Variants in TNFRSF8 observed in about 807,000 individuals in gnomAD.
TNFRSF8 encodes TNF receptor superfamily member 8, also known as tumor necrosis factor receptor superfamily member 8.
A neutral mutation model predicts 70.8 loss-of-function variants in TNFRSF8; 26 were observed. That is an observed-to-expected ratio of 0.37 (90% confidence interval 0.27 to 0.51). The LOEUF is 0.51. TNFRSF8 is among the 20% of genes least tolerant of loss of function. The probability of loss-of-function intolerance (pLI) is 0.94; values close to 1 mark genes in which losing one functional copy is unlikely to be tolerated. For missense variants in TNFRSF8, 720 were observed against 807.9 expected (o/e 0.89, Z 1.32); for synonymous variants, 356 against 339.2 (o/e 1.05, Z -0.54).
intron 1 of TNFRSF8, among the ~76,000 whole-genome samples, chr1:12,065,840 T>C (rs1203515169): frequency 6.6e-6 from 1 of 152,212 alleles, no homozygotes; most frequent in Non-Finnish European, 1.5e-5. Flanking sequence ...CTTTGTTCTC[T>C]ACTACAGTGC....
At chr1:12,085,271 T>A (rs912565618) in intron 2 of TNFRSF8, among the ~76,000 whole-genome samples, 1 of 152,028 alleles carries the variant, frequency 6.6e-6, no homozygotes, top group Non-Finnish European at 1.5e-5. Context: ...CCACCACACC[T>A]GGCTAATTTT....
intron 1 of TNFRSF8, among the ~76,000 whole-genome samples, chr1:12,076,376 AAGCGTGAGCTACC>A (rs1187313611): frequency 1.3e-5 from 2 of 152,176 alleles, no homozygotes; most frequent in African/African-American, 4.8e-5. Flanking sequence ...CTGGGATTAC[AAGCGTGAGCTACC>A]GTGCCCGGCC....
At chr1:12,107,702 AC>A (rs34119271) in intron 4 of TNFRSF8, among the ~76,000 whole-genome samples, 45,185 of 151,854 alleles carry the variant, frequency 0.3, 7,089 homozygotes, top group South Asian at 0.38. Flanking sequence ...CAGCTGCCAA[AC>A]CCTGGTTAAT....
rs986188702 is a variant in TNFRSF8, at chr1:12,063,661, G to C, written c.63G>C (p.Gln21His). Residue 21 changes from glutamine to histidine, a missense_variant and splice_region_variant, in exon 1 of 15, where the codon CAG becomes CAC. Transcript: ENST00000263932. This position sits in a 1 kb window ranked among gnomAD's most constrained non-coding sequence, Gnocchi z 7.2. ...TGGGGGCGCTACGAGCCTTCCCACA[G>C]GTAAGCGGGTGACGGGCGCCTGGGG... ...LFLGALRAFP[Q>H]DRPFEDTCHG... 1 of 1,273,032 alleles carries C rather than the reference G, an allele frequency of 7.9e-7. No homozygotes were observed. Among genetic ancestry groups the C allele is most frequent in the African/African-American group, 1.5e-5 (1 of 64,598 alleles). 78.9% of individuals were successfully genotyped at this position (1,273,032 alleles called of 1,614,324 possible).
intron 1 of TNFRSF8, among the ~76,000 whole-genome samples, chr1:12,078,748 C>T (rs1333712805): frequency 6.6e-6 from 1 of 152,228 alleles, no homozygotes; most frequent in Non-Finnish European, 1.5e-5. Context: ...CCTTACGTCT[C>T]AGTCTCCCCC....
intron 12 of TNFRSF8, 74 bp downstream of exon 12, chr1:12,126,310 C>T: frequency 1.9e-6 from 3 of 1,555,890 alleles, no homozygotes; most frequent in South Asian, 2.2e-5. Flanking sequence ...GGGGCGTGGG[C>T]TCCAGAGACT....
At chr1:12,073,594 T>G (rs926881066) in intron 1 of TNFRSF8, among the ~76,000 whole-genome samples, 2 of 144,726 alleles carry the variant, frequency 1.4e-5, no homozygotes, top group Non-Finnish European at 3.0e-5. Context: ...TTCTTTTTCT[T>G]TTTTTTTTTT....
intron 2 of TNFRSF8, among the ~76,000 whole-genome samples, chr1:12,085,274 C>T (rs1641135060): frequency 6.6e-6 from 1 of 152,212 alleles, no homozygotes; most frequent in South Asian, 2.1e-4. Context: ...CCACACCTGG[C>T]TAATTTTGTA....
chr1:12,139,407 C>A (rs1642214320), intron 14 of TNFRSF8, among the ~76,000 whole-genome samples: 1 of 152,172 alleles, frequency 6.6e-6, no homozygotes, highest in Non-Finnish European at 1.5e-5. Context: ...GCCTTGAATC[C>A]AGTTAATTCT....
intron 8 of TNFRSF8, among the ~76,000 whole-genome samples, chr1:12,122,023 T>C (rs1425316105): frequency 6.6e-6 from 1 of 151,908 alleles, no homozygotes; most frequent in Non-Finnish European, 1.5e-5. Flanking sequence ...TCCTCTATAG[T>C]GACATAAAGC....
Position 12,142,153 on chromosome 1 carries a change from A to G in TNFRSF8, c.1544-134A>G. ...CCCCAGGATGCCTGTAAGGTACATC[A>G]GAGAGGCTGTGCCATCAGCCTGAAG... is the stretch of plus-strand genomic sequence containing the variant. On this transcript the variant is annotated intron_variant, in intron 14 of 14. Coordinates refer to ENST00000263932, the MANE Select transcript of TNFRSF8 (RefSeq NM_001243.5). The surrounding 1 kb of genome is among the most constrained non-coding windows in gnomAD (Gnocchi z 5.0). The G allele has an allele frequency of 1.6e-6, 2 of 1,249,256 alleles. No individual in the cohort carries two copies. The highest frequency in any genetic ancestry group is 2.2e-6 in the Non-Finnish European group (2 of 916,876). The allele number at this position is 1,249,256 out of a possible 1,614,324, so 77.4% of individuals were successfully genotyped here. A position where few individuals can be genotyped will look rare whatever the true frequency, so the allele number is the denominator to read the frequency against.
In TNFRSF8 at chr1:12,108,724, A is replaced by G. The variant is rs1641573302; in HGVS notation, c.422-842A>G. On this transcript the variant is annotated intron_variant, in intron 4 of 14. Coordinates refer to ENST00000263932, the MANE Select transcript of TNFRSF8 (RefSeq NM_001243.5). This position sits in a 1 kb window ranked among gnomAD's most constrained non-coding sequence, Gnocchi z 4.0. Reference sequence around the variant, plus strand: ...GCTACTCAGGAGGCTGAGGCAGGAGAATTGCTTGAACCTGGGAGGCAGAGG... The same window carrying G: ...GCTACTCAGGAGGCTGAGGCAGGAGGATTGCTTGAACCTGGGAGGCAGAGG... Among the ~76,000 whole-genome samples, 1 of 152,060 alleles carries G rather than the reference A, an allele frequency of 6.6e-6. No individual in the cohort carries two copies. Among genetic ancestry groups the G allele is most frequent in the South Asian group, 2.1e-4 (1 of 4,820 alleles).
rs372067815 is a variant in TNFRSF8, at chr1:12,126,096, C to T, written c.1255+44C>T. On this transcript the variant is annotated intron_variant, in intron 11 of 14. Coordinates refer to ENST00000263932, the MANE Select transcript of TNFRSF8 (RefSeq NM_001243.5). Reference sequence around the variant, plus strand: ...GGGGCCTTGGGGAGGACAGGTTGCTCTCTGCCAGCCTGGCCTGGGTTCTTT... The same window carrying T: ...GGGGCCTTGGGGAGGACAGGTTGCTTTCTGCCAGCCTGGCCTGGGTTCTTT... The T allele has an allele frequency of 3.5e-5, 57 of 1,610,984 alleles. 1 individual carries two copies. The highest frequency in any genetic ancestry group is 1.8e-4 in the African/African-American group (13 of 74,100).
At chr1:12,135,905 C>T (rs1488058151) in intron 13 of TNFRSF8, among the ~76,000 whole-genome samples, 3 of 152,120 alleles carry the variant, frequency 2.0e-5, no homozygotes, top group East Asian at 1.9e-4. Flanking sequence ...CTCAGCCTGC[C>T]GGGAATTTCC....
intron 3 of TNFRSF8, among the ~76,000 whole-genome samples, chr1:12,102,904 T>C (rs529048099): frequency 3.9e-5 from 6 of 151,952 alleles, no homozygotes; most frequent in Admixed American, 1.3e-4. Flanking sequence ...TCTGTCTTTT[T>C]GATTCGAGTC....
At chr1:12,127,661 G>A (rs1641966223) in intron 12 of TNFRSF8, among the ~76,000 whole-genome samples, 1 of 152,256 alleles carries the variant, frequency 6.6e-6, no homozygotes, top group South Asian at 2.1e-4. Flanking sequence ...AAGCACTGTG[G>A]TCCCTGTGCA....
rs376786832 is a variant in TNFRSF8, at chr1:12,110,581, G to A, written c.676+377G>A. On this transcript the variant is annotated intron_variant, in intron 6 of 14. Transcript: ENST00000263932. This position sits in a 1 kb window ranked among gnomAD's most constrained non-coding sequence, Gnocchi z 4.0. ...GCCCTCCTGGTCTCCATGGCGAAGG[G>A]TCGACCCTCAGTCATTTTTCTTTTT... is the stretch of plus-strand genomic sequence containing the variant. 6.6e-6 allele frequency among the ~76,000 whole-genome samples: 1 copy of A among 152,104 alleles called. No homozygotes were observed. Among genetic ancestry groups the A allele is most frequent in the Admixed American group, 6.6e-5 (1 of 15,266 alleles).
intron 3 of TNFRSF8, among the ~76,000 whole-genome samples, chr1:12,098,437 A>T (rs1162781795): frequency 6.6e-6 from 1 of 152,224 alleles, no homozygotes; most frequent in African/African-American, 2.4e-5. Flanking sequence ...AACTACTATT[A>T]TCATTAGATG....
At chr1:12,094,125 G>A (rs1641290940) in intron 2 of TNFRSF8, among the ~76,000 whole-genome samples, 1 of 150,244 alleles carries the variant, frequency 6.7e-6, no homozygotes, top group Non-Finnish European at 1.5e-5. Context: ...TTATAGGCGT[G>A]AGCCACCGCA....
Sources: gnomAD v4.1 joint callset for allele counts (sites outside exome capture counted in the v4.1 genomes callset) on GRCh38, gnomAD v4.1.1 for gene constraint, Gnocchi (gnomAD v3.1) non-coding constraint, MANE v1.5 for transcripts, NCBI Gene and HGNC (gene_info 2026-07-23, HGNC 2026-07-21) for gene names.